The following RARB variants were observed in gnomAD, a reference collection of about 807,000 sequenced individuals.
RARB encodes HBV-activated protein.
RARB carries 17 observed loss-of-function variants against 51.9 expected under a neutral mutation model. The ratio of observed to expected loss-of-function variants is 0.33; its 90% CI spans 0.22 to 0.49. The LOEUF (loss-of-function observed/expected upper bound fraction) is 0.49, where lower values mean the gene tolerates loss of function less well. RARB is among the 20% of genes least tolerant of loss of function. RARB has a pLI of 0.99. For synonymous variants in RARB, 215 were observed against 195.4 expected, an observed-to-expected ratio of 1.10 and a Z score of -0.84; for missense variants, 369 against 550.8, an observed-to-expected ratio of 0.67 and a Z score of 3.30.
chr3:25,359,014 T>C (rs1456722000), intron 5 of RARB, among the ~76,000 whole-genome samples: 2 of 151,568 alleles, frequency 1.3e-5, no homozygotes, highest in Non-Finnish European at 1.5e-5. Flanking sequence ...TAGAGAGGAG[T>C]CACTCTTTTT....
chr3:25,250,538 C>T (rs1262779385), intron 5 of RARB, among the ~76,000 whole-genome samples: 1 of 152,090 alleles, frequency 6.6e-6, no homozygotes, highest in Non-Finnish European at 1.5e-5. Flanking sequence ...TGTGTGGTGT[C>T]CCCACTACTG....
At chr3:25,397,044 T>C (rs572374449) in intron 5 of RARB, among the ~76,000 whole-genome samples, 1 of 152,276 alleles carries the variant, frequency 6.6e-6, no homozygotes, top group African/African-American at 2.4e-5. Flanking sequence ...GCACTTCCCA[T>C]TCACTGCCCC....
chr3:25,183,736 CT>C (rs1700914277), intron 5 of RARB, among the ~76,000 whole-genome samples: 2 of 152,138 alleles, frequency 1.3e-5, no homozygotes, highest in South Asian at 2.1e-4. Flanking sequence ...TTTGCCTCAG[CT>C]TCTAGTGTCC....
intron 5 of RARB, among the ~76,000 whole-genome samples, chr3:25,384,413 C>T (rs990103127): frequency 5.3e-5 from 8 of 152,108 alleles, no homozygotes; most frequent in Non-Finnish European, 8.8e-5. Context: ...TGAGAGTTGT[C>T]CTCTATATTG....
rs911604730 is a variant in RARB at position 24,980,521 on chromosome 3, G to A, written c.-379-79604G>A. On this transcript the variant is annotated intron_variant, in intron 2 of 11. Coordinates refer to the RARB transcript ENST00000383772. ...ACTTTATTTAATTTGATCTTCAGTC[G>A]ATCAAATTCGATCCTTTCTTCCACT... is the stretch of plus-strand genomic sequence containing the variant. Among the ~76,000 whole-genome samples the A allele has an allele frequency of 3.3e-5, 5 of 151,872 alleles. No homozygotes were observed. In the East Asian group the frequency reaches 5.8e-4, roughly 18 times the overall value.
intron 2 of RARB, among the ~76,000 whole-genome samples, chr3:24,864,223 C>G (rs1702807342): frequency 6.6e-6 from 1 of 152,150 alleles, no homozygotes; most frequent in Non-Finnish European, 1.5e-5. Flanking sequence ...ACGGCAGGGG[C>G]TGGAACTGTT....
At chr3:25,459,476 G>A (rs1466640860) in intron 1 of RARB, among the ~76,000 whole-genome samples, 1 of 152,170 alleles carries the variant, frequency 6.6e-6, no homozygotes, top group African/African-American at 2.4e-5. Context: ...GGTGACTATT[G>A]GAGGGCTTTA....
chr3:25,447,466 A>C lies in RARB; in HGVS notation c.158-13727A>C, dbSNP rs544211228. On this transcript the variant is annotated intron_variant, in intron 1 of 7. Transcript: ENST00000330688. ...TATTCTAACTTCTTTATAAACCAGC[A>C]TGTATCAAGGGGTCTGGTCCCTGGC... Among the ~76,000 whole-genome samples the C allele has an allele frequency of 3.5e-4, 54 of 152,314 alleles. No individual in the cohort carries two copies. The South Asian group carries it at 0.011, about 32-fold the overall frequency.
chr3:25,100,901 T>A (rs1333281640), intron 3 of RARB, among the ~76,000 whole-genome samples: 1 of 152,168 alleles, frequency 6.6e-6, no homozygotes, highest in Non-Finnish European at 1.5e-5. Flanking sequence ...TCAAGTCCAT[T>A]CATTAATCTT....
chr3:24,886,285 G>A (rs1166694643), intron 2 of RARB, among the ~76,000 whole-genome samples: 1 of 152,106 alleles, frequency 6.6e-6, no homozygotes, highest in African/African-American at 2.4e-5. Flanking sequence ...TGATGCAGGG[G>A]CTGATTCACT....
At chr3:25,317,081 T>TATTA (rs1273827960) in intron 5 of RARB, among the ~76,000 whole-genome samples, 3 of 151,526 alleles carry the variant, frequency 2.0e-5, no homozygotes, top group African/African-American at 7.3e-5. Flanking sequence ...TTATTATAAG[T>TATTA]CGTGTAAAAG....
chr3:25,107,666 T>G (rs991899675), intron 3 of RARB, among the ~76,000 whole-genome samples: 1 of 152,154 alleles, frequency 6.6e-6, no homozygotes, highest in Non-Finnish European at 1.5e-5. Context: ...TGATAAAGCT[T>G]AATTTATAAA....
intron 3 of RARB, among the ~76,000 whole-genome samples, chr3:25,091,160 G>T (rs542558704): frequency 6.6e-6 from 1 of 152,262 alleles, no homozygotes; most frequent in South Asian, 2.1e-4. Flanking sequence ...AGTCCCCTGG[G>T]CAAGCCCACG....
intron 3 of RARB, among the ~76,000 whole-genome samples, chr3:25,529,175 A>T (rs1698788505): frequency 6.6e-6 from 1 of 152,168 alleles, no homozygotes; most frequent in African/African-American, 2.4e-5. Context: ...AGAGGCATAT[A>T]CCTAGTGACC....
intron 5 of RARB, among the ~76,000 whole-genome samples, chr3:25,260,166 G>C (rs1410516923): frequency 6.6e-6 from 1 of 152,132 alleles, no homozygotes; most frequent in African/African-American, 2.4e-5. Flanking sequence ...GTGTTCCCTG[G>C]AATAGGGCAC....
Position 25,356,186 on chromosome 3 carries a change from A to G in RARB, c.179-105007A>G, listed in dbSNP as rs1322345968. Reference sequence around the variant, plus strand: ...AGACATTCTGAATTTTTCAAAGAGAAGTATTTATGGAATTTTAGAATCTTC... The same window carrying G: ...AGACATTCTGAATTTTTCAAAGAGAGGTATTTATGGAATTTTAGAATCTTC... On this transcript the variant is annotated intron_variant, in intron 5 of 11. Coordinates refer to the RARB transcript ENST00000383772. 2.0e-5 allele frequency among the ~76,000 whole-genome samples: 3 copies of G among 152,128 alleles called. No individual in the cohort carries two copies. In the East Asian group the frequency reaches 5.8e-4, roughly 29 times the overall value.
At chr3:25,082,866 A>G (rs1699036311) in intron 3 of RARB, among the ~76,000 whole-genome samples, 1 of 152,074 alleles carries the variant, frequency 6.6e-6, no homozygotes. Context: ...CTGGTGCTGA[A>G]GTCTAAACTT....
chr3:24,872,529 A>T (rs942487032), intron 2 of RARB, among the ~76,000 whole-genome samples: 1 of 152,198 alleles, frequency 6.6e-6, no homozygotes, highest in African/African-American at 2.4e-5. Context: ...TGAGAACCTC[A>T]GGAAGCTTCC....
intron 4 of RARB, among the ~76,000 whole-genome samples, chr3:25,570,385 C>T (rs944438241): frequency 3.3e-5 from 5 of 152,184 alleles, no homozygotes; most frequent in Non-Finnish European, 7.3e-5. Context: ...TGAAATCCAA[C>T]CAAGATAAAG....
Sources: gnomAD v4.1 joint callset for allele counts (sites outside exome capture counted in the v4.1 genomes callset) on GRCh38, gnomAD v4.1.1 for gene constraint, MANE v1.5 for transcripts, NCBI Gene and HGNC (gene_info 2026-07-23, HGNC 2026-07-21) for gene names.